Variants in FER1L6 observed in about 807,000 individuals in gnomAD.
The protein encoded by FER1L6 is fer-1 like family member 6.
A neutral mutation model predicts 219.2 loss-of-function variants in FER1L6; 177 were observed. The observed-to-expected ratio is 0.81, with a 90% CI of 0.71 to 0.91. FER1L6 has a LOEUF of 0.91. Among genes scored for constraint, FER1L6 ranks in the 40% least tolerant of loss-of-function variants. FER1L6 has a pLI of 0.00. For synonymous variants in FER1L6, 768 were observed against 824.3 expected, an observed-to-expected ratio of 0.93 and a Z score of 1.17; for missense variants, 2,153 against 2,259.9, an observed-to-expected ratio of 0.95 and a Z score of 0.96.
Position 123,899,300 on chromosome 8 carries a change from C to CT in FER1L6, c.-8+47122dup, listed in dbSNP as rs1362163634. 5.9e-5 allele frequency among the ~76,000 whole-genome samples: 9 copies of CT among 152,094 alleles called. No homozygotes were observed. The South Asian group carries it at 1.5e-3, about 25-fold the overall frequency. On this transcript the variant is annotated intron_variant, in intron 1 of 40. Transcript: ENST00000522917. The stretch of plus-strand genomic sequence containing the variant: ...ATGTGTTTGTTGGCCATTTGTATAT[C>CT]TTTTTTTGAGAATTGTCTATTCATG...
chr8:124,113,526 T>C (rs1225472029), intron 39 of FER1L6, among the ~76,000 whole-genome samples: 4 of 152,204 alleles, frequency 2.6e-5, no homozygotes, highest in African/African-American at 9.7e-5. Context: ...ATCCACACCA[T>C]ATTCATGTCT....
chr8:124,058,573 A>C (rs1020009172), intron 22 of FER1L6, among the ~76,000 whole-genome samples: 1 of 152,234 alleles, frequency 6.6e-6, no homozygotes, highest in Admixed American at 6.5e-5. Context: ...AGCTCTTAAC[A>C]GCATTTTTCA....
intron 1 of FER1L6, among the ~76,000 whole-genome samples, chr8:123,897,559 G>C (rs539389543): frequency 6.6e-6 from 1 of 152,114 alleles, no homozygotes; most frequent in Non-Finnish European, 1.5e-5. Flanking sequence ...ACATAATTAC[G>C]TACAGAAATA....
At chr8:124,039,411 CCACATGCACA>C (rs985843766) in intron 19 of FER1L6, among the ~76,000 whole-genome samples, 7 of 152,030 alleles carry the variant, frequency 4.6e-5, no homozygotes, top group East Asian at 3.9e-4. Flanking sequence ...CCACACATGC[CCACATGCACA>C]CACATGCACA....
intron 1 of FER1L6, among the ~76,000 whole-genome samples, chr8:123,882,539 C>G (rs543117759): frequency 2.6e-5 from 4 of 152,104 alleles, no homozygotes; most frequent in Non-Finnish European, 5.9e-5. Context: ...GAGAACACAG[C>G]CGTTGATCAG....
chr8:124,091,327 C>T (rs2130944593), intron 33 of FER1L6, 96 bp from the exon 34 acceptor site: 2 of 996,082 alleles, frequency 2.0e-6, no homozygotes, highest in Non-Finnish European at 1.4e-6. Flanking sequence ...CCCAGATACA[C>T]AGAATAGCAA....
intron 1 of FER1L6, among the ~76,000 whole-genome samples, chr8:123,905,525 G>T (rs564445359): frequency 8.5e-5 from 13 of 152,210 alleles, no homozygotes; most frequent in Admixed American, 3.9e-4. Context: ...ATTGTGAATA[G>T]TCTCAGCCCC....
intron 16 of FER1L6, among the ~76,000 whole-genome samples, chr8:124,018,769 C>T (rs1264164709): frequency 6.6e-6 from 1 of 152,176 alleles, no homozygotes; most frequent in Non-Finnish European, 1.5e-5. Context: ...ACTCTGAGCC[C>T]ATCACCTTAT....
chr8:123,892,921 G>T (rs899469083), intron 1 of FER1L6, among the ~76,000 whole-genome samples: 2 of 152,136 alleles, frequency 1.3e-5, no homozygotes, highest in African/African-American at 4.8e-5. Context: ...TGTCAGTTCT[G>T]AGGTAGTGTT....
intron 1 of FER1L6, among the ~76,000 whole-genome samples, chr8:123,945,636 C>T (rs780031430): frequency 3.9e-5 from 6 of 152,186 alleles, no homozygotes; most frequent in Non-Finnish European, 8.8e-5. Flanking sequence ...TGAGCAATTG[C>T]ACTGAGTTGC....
At chr8:124,096,077 T>C (rs1434133572) in intron 35 of FER1L6, among the ~76,000 whole-genome samples, 2 of 152,160 alleles carry the variant, frequency 1.3e-5, no homozygotes, top group African/African-American at 2.4e-5. Context: ...ATCCCAGAGT[T>C]ATTGGGATAT....
At chr8:123,925,895 T>A (rs1813547052) in intron 1 of FER1L6, 1 of 152,158 alleles carries the variant, frequency 6.6e-6, no homozygotes. Flanking sequence ...TGACAATGAT[T>A]ATGAATTTCA....
chr8:124,087,277 T>C lies in FER1L6; in HGVS notation c.4392-4146T>C, dbSNP rs1404602453. Among the ~76,000 whole-genome samples the C allele has an allele frequency of 2.6e-5, 4 of 152,160 alleles. No individual in the cohort carries two copies. In the East Asian group the frequency reaches 7.7e-4, roughly 29 times the overall value. ...GGCATGCTTCATTCTTTTCAATTCTTTGTTTGTTTCCTCTGACTGTGTATT... is the reference window on the plus strand; with the variant it reads ...GGCATGCTTCATTCTTTTCAATTCTCTGTTTGTTTCCTCTGACTGTGTATT... On this transcript the variant is annotated intron_variant, in intron 33 of 40. Coordinates refer to ENST00000522917, the MANE Select transcript of FER1L6 (RefSeq NM_001039112.2).
intron 1 of FER1L6, among the ~76,000 whole-genome samples, chr8:123,875,210 A>G (rs1816986548): frequency 6.6e-6 from 1 of 152,126 alleles, no homozygotes; most frequent in South Asian, 2.1e-4. Context: ...AAACAATCAA[A>G]AAATGCCCCA....
At chr8:123,945,264 T>G (rs1231233299) in intron 1 of FER1L6, among the ~76,000 whole-genome samples, 1 of 152,198 alleles carries the variant, frequency 6.6e-6, no homozygotes, top group Non-Finnish European at 1.5e-5. Flanking sequence ...TAGTGACTCC[T>G]GGAGAAGTTG....
chr8:123,970,703 T>C (rs1815764901), intron 6 of FER1L6, among the ~76,000 whole-genome samples: 1 of 152,132 alleles, frequency 6.6e-6, no homozygotes, highest in Admixed American at 6.6e-5. Flanking sequence ...CTTCCTCAGC[T>C]CTGCCAGGGG....
At chr8:124,034,438 C>G (rs1819112100) in intron 18 of FER1L6, among the ~76,000 whole-genome samples, 1 of 152,202 alleles carries the variant, frequency 6.6e-6, no homozygotes, top group Non-Finnish European at 1.5e-5. Flanking sequence ...CAGGCATATA[C>G]ACACATATAC....
At chr8:124,065,763 G>A (rs549493780) in intron 26 of FER1L6, among the ~76,000 whole-genome samples, 66 of 152,314 alleles carry the variant, frequency 4.3e-4, no homozygotes, top group African/African-American at 1.4e-3. Flanking sequence ...ATGACTTGGC[G>A]AGTGAATGGA....
Position 123,864,251 on chromosome 8 carries a change from T to A in FER1L6, c.-8+12066T>A, listed in dbSNP as rs1266505342. On this transcript the variant is annotated intron_variant, in intron 1 of 40. Transcript: ENST00000522917. ...CTTCACTTATGAAGCTTAGTTTGGCTGGATATGAAATTCTGGGTTGAAAAT... is the reference window on the plus strand; with the variant it reads ...CTTCACTTATGAAGCTTAGTTTGGCAGGATATGAAATTCTGGGTTGAAAAT... 9.3e-5 allele frequency among the ~76,000 whole-genome samples: 14 copies of A among 150,282 alleles called. 1 individual carries two copies. The highest frequency in any genetic ancestry group is 3.5e-4 in the African/African-American group (14 of 39,814).
Sources: gnomAD v4.1 joint callset for allele counts (sites outside exome capture counted in the v4.1 genomes callset) on GRCh38, gnomAD v4.1.1 for gene constraint, MANE v1.5 for transcripts, NCBI Gene and HGNC (gene_info 2026-07-23, HGNC 2026-07-21) for gene names.